The following VWA8 variants were observed in gnomAD, a reference collection of about 807,000 sequenced individuals.
VWA8 encodes von Willebrand factor A domain-containing protein 8.
In VWA8, 221 loss-of-function variants were observed where a neutral mutation model predicts 241.5. The observed-to-expected ratio is 0.91, with a 90% CI of 0.82 to 1.02. The LOEUF (loss-of-function observed/expected upper bound fraction) is 1.02. Ranked by LOEUF, VWA8 falls within the 50% of genes least tolerant of loss-of-function variation. The pLI is 0.00. For missense variants in VWA8, 2,322 were observed against 2,328.7 expected, an observed-to-expected ratio of 1.00 and a Z score of 0.06; for synonymous variants, 852 against 827.1, an observed-to-expected ratio of 1.03 and a Z score of -0.52.
At chr13:41,912,456 A>C (rs992559919) in intron 2 of VWA8, among the ~76,000 whole-genome samples, 1 of 152,144 alleles carries the variant, frequency 6.6e-6, no homozygotes, top group Non-Finnish European at 1.5e-5. Context: ...CATATTCCTT[A>C]CTTGAAAGCT....
In VWA8 at chr13:41,787,562, G is replaced by A. The variant is rs373046972; in HGVS notation, c.2064-19C>T. The A allele has an allele frequency of 6.4e-5, 99 of 1,552,434 alleles. No individual in the cohort carries two copies. The highest frequency in any genetic ancestry group is 1.7e-4 in the Middle Eastern group (1 of 5,944). On this transcript the variant is annotated intron_variant, in intron 17 of 44. Transcript: ENST00000379310. ...TAAAAACCTGGAGGATGAAGAGGGA[G>A]GAAGGGGGAAATGGCTTAAGTCAAA...
chr13:41,956,919 C>T (rs1690844553), intron 1 of VWA8, among the ~76,000 whole-genome samples: 1 of 152,092 alleles, frequency 6.6e-6, no homozygotes. Flanking sequence ...TACATGATCC[C>T]ATTTCTTTAA....
intron 37 of VWA8, among the ~76,000 whole-genome samples, chr13:41,621,499 T>C (rs2044656948): frequency 6.6e-6 from 1 of 152,178 alleles, no homozygotes; most frequent in African/African-American, 2.4e-5. Flanking sequence ...GAAGAACCAT[T>C]CTGAACACCA....
At chr13:41,759,174 G>A (rs1335763803) in intron 21 of VWA8, among the ~76,000 whole-genome samples, 1 of 151,514 alleles carries the variant, frequency 6.6e-6, no homozygotes, top group Non-Finnish European at 1.5e-5. Flanking sequence ...GTCTGAAAAT[G>A]TCATTATTTT....
intron 26 of VWA8, among the ~76,000 whole-genome samples, chr13:41,716,375 C>T (rs940859017): frequency 9.2e-5 from 14 of 152,042 alleles, no homozygotes; most frequent in African/African-American, 3.4e-4. Flanking sequence ...CATCACTGCA[C>T]TCTTTAGGAG....
At chr13:41,684,147 C>CA (rs1339031802) in intron 35 of VWA8, among the ~76,000 whole-genome samples, 1 of 151,714 alleles carries the variant, frequency 6.6e-6, no homozygotes, top group East Asian at 1.9e-4. Flanking sequence ...TCTTCTACCA[C>CA]AAAAAAAATT....
chr13:41,807,933 C>T (rs575119876), intron 17 of VWA8: 6 of 152,120 alleles, frequency 3.9e-5, no homozygotes, highest in Non-Finnish European at 8.8e-5. Context: ...CTGTGAATAG[C>T]CACTGCACTA....
chr13:41,715,439 T>C (rs1033551281), intron 26 of VWA8, among the ~76,000 whole-genome samples: 7 of 150,398 alleles, frequency 4.7e-5, no homozygotes, highest in East Asian at 1.9e-4. Flanking sequence ...ATGAAAAAGA[T>C]AGCATTTTTT....
chr13:41,799,180 T>C (rs2137958268), intron 17 of VWA8, among the ~76,000 whole-genome samples: 1 of 152,250 alleles, frequency 6.6e-6, no homozygotes. Flanking sequence ...TCTCTTATGG[T>C]TTTTTCCCCC....
At chr13:41,734,851 G>A (rs1175758042) in intron 21 of VWA8, among the ~76,000 whole-genome samples, 1 of 152,120 alleles carries the variant, frequency 6.6e-6, no homozygotes, top group Non-Finnish European at 1.5e-5. Context: ...AAAGCCCTGT[G>A]GGATGATAGG....
chr13:41,732,193 A>G, intron 21 of VWA8, 38 bp from the exon 22 acceptor site: 2 of 1,574,496 alleles, frequency 1.3e-6, no homozygotes, highest in South Asian at 2.3e-5. Context: ...TTAGGAAGGA[A>G]ATAAGCTGAT....
chr13:41,761,789 C>T (rs2045742231), intron 20 of VWA8, among the ~76,000 whole-genome samples: 1 of 152,040 alleles, frequency 6.6e-6, no homozygotes, highest in African/African-American at 2.4e-5. Flanking sequence ...GCCCTCATTT[C>T]CTTACCACTT....
At chr13:41,667,883 T>G (rs2044996941) in intron 37 of VWA8, among the ~76,000 whole-genome samples, 1 of 152,212 alleles carries the variant, frequency 6.6e-6, no homozygotes, top group African/African-American at 2.4e-5. Context: ...TTATGGTTAT[T>G]TATTATAGGA....
At chr13:41,577,307 C>A (rs763724210) in intron 42 of VWA8, among the ~76,000 whole-genome samples, 1 of 152,058 alleles carries the variant, frequency 6.6e-6, no homozygotes. Context: ...TTTATCAATG[C>A]ATTAAAAAGG....
intron 37 of VWA8, among the ~76,000 whole-genome samples, chr13:41,622,329 A>G (rs1235890244): frequency 6.6e-6 from 1 of 152,218 alleles, no homozygotes; most frequent in African/African-American, 2.4e-5. Context: ...TGTGGTAGAC[A>G]GCCAGTAGCC....
intron 24 of VWA8, among the ~76,000 whole-genome samples, chr13:41,723,603 C>T (rs914684411): frequency 7.2e-5 from 11 of 151,936 alleles, no homozygotes; most frequent in Admixed American, 1.3e-4. Flanking sequence ...GAATATATTT[C>T]GAGGGTATAG....
At chr13:41,858,829 GA>G (rs200140250) in intron 12 of VWA8, among the ~76,000 whole-genome samples, 11 of 150,454 alleles carry the variant, frequency 7.3e-5, no homozygotes, top group African/African-American at 9.7e-5. Flanking sequence ...ATTCTTTGTG[GA>G]AAAAAAAATA....
At chr13:41,661,286 T>C (rs899921228) in intron 37 of VWA8, among the ~76,000 whole-genome samples, 2 of 152,190 alleles carry the variant, frequency 1.3e-5, no homozygotes, top group Admixed American at 6.5e-5. Context: ...CCAACATAAT[T>C]TGATGGAGTT....
intron 39 of VWA8, 137 bp downstream of exon 39, chr13:41,611,439 C>T: frequency 8.6e-7 from 1 of 1,159,748 alleles, no homozygotes; most frequent in Non-Finnish European, 1.2e-6. Context: ...ACGGGGATGG[C>T]TGTGGATTTC....
Sources: gnomAD v4.1 joint callset for allele counts (sites outside exome capture counted in the v4.1 genomes callset) on GRCh38, gnomAD v4.1.1 for gene constraint, MANE v1.5 for transcripts, NCBI Gene and HGNC (gene_info 2026-07-23, HGNC 2026-07-21) for gene names.